Variants in RARB observed in about 807,000 individuals in gnomAD.
The protein encoded by RARB is retinoic acid receptor beta.
A neutral mutation model predicts 51.9 loss-of-function variants in RARB; 17 were observed. That is an observed-to-expected ratio of 0.33 (90% CI 0.22 to 0.49). RARB has a LOEUF of 0.49. Ranked by LOEUF, RARB falls within the 20% of genes least tolerant of loss-of-function variation. The pLI is 0.99. For missense variants in RARB, 369 were observed against 550.8 expected (o/e 0.67, Z 3.30); for synonymous variants, 215 against 195.4 (o/e 1.10, Z -0.84).
chr3:24,923,337 T>C (rs947948098), intron 2 of RARB, among the ~76,000 whole-genome samples: 2 of 152,158 alleles, frequency 1.3e-5, no homozygotes, highest in African/African-American at 4.8e-5. Flanking sequence ...AAGATACTCA[T>C]TGTGAATTAA....
rs115473885 is a variant in RARB, at chr3:25,302,197, A to G, written c.178+127622A>G. ...GCTAGTGAAATTATAAAATGCTGCA[A>G]TAGCTTTGGAAAACAGTCTGGCATT... is the stretch of plus-strand genomic sequence containing the variant. On this transcript the variant is annotated intron_variant, in intron 5 of 11. Coordinates refer to the RARB transcript ENST00000383772. 1.9e-3 allele frequency among the ~76,000 whole-genome samples: 294 copies of G among 152,344 alleles called. 1 individual carries two copies. Among genetic ancestry groups the G allele is most frequent in the African/African-American group, 6.8e-3 (281 of 41,584 alleles).
chr3:25,206,911 C>G (rs571288013), intron 5 of RARB, among the ~76,000 whole-genome samples: 1 of 152,236 alleles, frequency 6.6e-6, no homozygotes, highest in African/African-American at 2.4e-5. Context: ...CACAGGTGCA[C>G]CCACAGCTAC....
intron 5 of RARB, among the ~76,000 whole-genome samples, chr3:25,205,107 C>T (rs1005856835): frequency 1.3e-5 from 2 of 152,180 alleles, no homozygotes; most frequent in Non-Finnish European, 2.9e-5. Context: ...TGGTTACCTA[C>T]TCAAGCCTCA....
At chr3:25,266,317 T>G (rs1703125678) in intron 5 of RARB, among the ~76,000 whole-genome samples, 1 of 152,160 alleles carries the variant, frequency 6.6e-6, no homozygotes, top group African/African-American at 2.4e-5. Context: ...TCACTTAAAT[T>G]TAAAATTATG....
intron 1 of RARB, among the ~76,000 whole-genome samples, chr3:25,445,261 T>C (rs1708878996): frequency 6.6e-6 from 1 of 152,132 alleles, no homozygotes; most frequent in Non-Finnish European, 1.5e-5. Flanking sequence ...AACACCTCCT[T>C]TTCAAAACAA....
exon 5 of RARB, chr3:25,174,318 T>C: frequency 8.2e-7 from 1 of 1,217,222 alleles, no homozygotes; most frequent in Non-Finnish European, 1.1e-6. Context: ...TGCAGTGCAT[T>C]TGCCTCCCTC....
At chr3:25,555,095 A>G (rs1281146442) in intron 3 of RARB, among the ~76,000 whole-genome samples, 1 of 152,246 alleles carries the variant, frequency 6.6e-6, no homozygotes. Flanking sequence ...TTCAAACCAT[A>G]GCAGGTTCCC....
At chr3:25,104,906 G>T (rs1699470144) in intron 3 of RARB, among the ~76,000 whole-genome samples, 1 of 152,216 alleles carries the variant, frequency 6.6e-6, no homozygotes, top group Non-Finnish European at 1.5e-5. Context: ...AGTTGGGGGA[G>T]TGGAGGTAAT....
At chr3:25,120,149 A>G (rs1031453091) in intron 3 of RARB, among the ~76,000 whole-genome samples, 2 of 152,156 alleles carry the variant, frequency 1.3e-5, no homozygotes, top group African/African-American at 2.4e-5. Context: ...TCTTAATACT[A>G]TATCAGGGTT....
chr3:24,893,956 C>G (rs939108869), intron 2 of RARB, among the ~76,000 whole-genome samples: 2 of 152,176 alleles, frequency 1.3e-5, no homozygotes, highest in Non-Finnish European at 2.9e-5. Context: ...GTACCTAATA[C>G]AAGCCTGTGC....
At chr3:25,494,253 G>GCACACACACACACACACACACACA (rs57081618) in intron 2 of RARB, among the ~76,000 whole-genome samples, 2 of 131,852 alleles carry the variant, frequency 1.5e-5, no homozygotes, top group Admixed American at 7.4e-5. Context: ...TGTATCTTAC[G>GCACACACACACACACACACACACA]CACACACACA....
chr3:25,127,135 TG>T (rs1450413349), intron 3 of RARB, among the ~76,000 whole-genome samples: 2 of 152,126 alleles, frequency 1.3e-5, no homozygotes, highest in Non-Finnish European at 2.9e-5. Flanking sequence ...CAGGTGATCT[TG>T]GAAGAGTATA....
chr3:25,410,995 G>T (rs73145460), intron 5 of RARB, among the ~76,000 whole-genome samples: 1 of 152,226 alleles, frequency 6.6e-6, no homozygotes, highest in East Asian at 1.9e-4. Context: ...AGGAATTAGA[G>T]CTATTTCTTT....
intron 3 of RARB, among the ~76,000 whole-genome samples, chr3:25,116,925 G>C (rs776900835): frequency 6.6e-6 from 1 of 152,048 alleles, no homozygotes; most frequent in Non-Finnish European, 1.5e-5. Context: ...TGAAATTATT[G>C]CATAGACAAG....
At chr3:25,418,182 G>C (rs1206059002) in intron 5 of RARB, among the ~76,000 whole-genome samples, 5 of 152,198 alleles carry the variant, frequency 3.3e-5, no homozygotes, top group African/African-American at 7.2e-5. Flanking sequence ...ATGGCGATAT[G>C]CTCAGCTAGA....
intron 5 of RARB, among the ~76,000 whole-genome samples, chr3:25,323,532 A>G (rs1188296373): frequency 1.3e-5 from 2 of 152,248 alleles, no homozygotes; most frequent in Admixed American, 6.5e-5. Flanking sequence ...AACATATTCA[A>G]AATCTTCCAA....
At chr3:24,975,947 G>T (rs1370206323) in intron 2 of RARB, among the ~76,000 whole-genome samples, 3 of 152,164 alleles carry the variant, frequency 2.0e-5, no homozygotes, top group Non-Finnish European at 4.4e-5. Flanking sequence ...AGGCCCCAGT[G>T]TGGGGTATTC....
chr3:25,108,315 A>G (rs1159993727), intron 3 of RARB, among the ~76,000 whole-genome samples: 6 of 152,226 alleles, frequency 3.9e-5, no homozygotes, highest in Non-Finnish European at 7.3e-5. Context: ...TGGCTCAGTC[A>G]TAATAGAAGT....
At chr3:24,991,253 C>G (rs1212523879) in intron 2 of RARB, among the ~76,000 whole-genome samples, 1 of 152,130 alleles carries the variant, frequency 6.6e-6, no homozygotes, top group Non-Finnish European at 1.5e-5. Flanking sequence ...CCAGCCTGGT[C>G]ATCATGGCGA....
Sources: gnomAD v4.1 joint callset for allele counts (sites outside exome capture counted in the v4.1 genomes callset) on GRCh38, gnomAD v4.1.1 for gene constraint, MANE v1.5 for transcripts, NCBI Gene and HGNC (gene_info 2026-07-23, HGNC 2026-07-21) for gene names.